Variants in GRAP observed in about 807,000 individuals in gnomAD.
GRAP encodes the protein GRB2 related adaptor protein.
A neutral mutation model predicts 9.1 loss-of-function variants in GRAP; 2 were observed. That is an observed-to-expected ratio of 0.22 (90% CI 0.09 to 0.69). The LOEUF is 0.69. GRAP is among the 30% of genes least tolerant of loss of function. The pLI, the probability that GRAP is intolerant of heterozygous loss-of-function variation, is 0.81. For synonymous variants in GRAP, 68 were observed against 73.6 expected (o/e 0.92, Z 0.39); for missense variants, 113 against 179.4 (o/e 0.63, Z 2.12).
At chr17:19,022,234 CAGGTG>C in intron 4 of GRAP, 90 bp from the exon 5 acceptor site, 1 of 714,958 alleles carries the variant, frequency 1.4e-6, no homozygotes, top group Non-Finnish European at 2.2e-6. Context: ...TGATTTGCCA[CAGGTG>C]AGGAGGGGTC....
At position 19,020,726 on chromosome 17, in the gene GRAP, G is replaced by T. The variant is rs1384541808; in HGVS notation, c.*1233C>A. The T allele has an allele frequency of 4.8e-6, 2 of 418,750 alleles. No individual in the cohort carries two copies. Among genetic ancestry groups the T allele is most frequent in the Non-Finnish European group, 8.9e-6 (2 of 224,246 alleles). 25.9% of individuals were successfully genotyped at this position (418,750 alleles called of 1,614,324 possible). On this transcript the variant is annotated 3_prime_UTR_variant, in exon 5 of 5. Transcript: ENST00000284154. ...TACTGTTTTCGTTTTGAATACACAGGCTGGGTCAGGAGCAGTGAGATTTGC... is the reference window on the plus strand; with the variant it reads ...TACTGTTTTCGTTTTGAATACACAGTCTGGGTCAGGAGCAGTGAGATTTGC...
intron 4 of GRAP, among the ~76,000 whole-genome samples, chr17:19,023,858 C>T (rs1161065819): frequency 6.6e-6 from 1 of 151,888 alleles, no homozygotes; most frequent in African/African-American, 2.4e-5. Context: ...GTGCATGGTA[C>T]CCAGTATGCT....
intron 3 of GRAP, among the ~76,000 whole-genome samples, chr17:19,025,148 A>G (rs1205816606): frequency 6.6e-6 from 1 of 151,146 alleles, no homozygotes; most frequent in Non-Finnish European, 1.5e-5. Flanking sequence ...AGTACCTTCT[A>G]GCCCAGCGGA....
In GRAP at chr17:19,024,421, C is replaced by A. The variant is rs368826363; in HGVS notation, c.300-38G>T. ...ACCCGGGGCCACCTCAGGTGGTGGC[C>A]GTCCCAGCCTGGCATGGTCCCAGGG... is the stretch of plus-strand genomic sequence containing the variant. On this transcript the variant is annotated intron_variant, in intron 3 of 4. Coordinates refer to ENST00000284154, the MANE Select transcript of GRAP (RefSeq NM_006613.4). This position sits in a 1 kb window ranked among gnomAD's most constrained non-coding sequence, Gnocchi z 4.2. The A allele has an allele frequency of 1.9e-6, 3 of 1,596,362 alleles. No homozygotes were observed. In the East Asian group the frequency reaches 6.8e-5, roughly 36 times the overall value.
rs369543027 is a variant in GRAP, at chr17:19,024,066, C to T, written c.468+149G>A. ...CATAGCCGCCACCAGGATATAACTT[C>T]GAAGCCTGGGCTGGACGCCTCTTGC... On this transcript the variant is annotated intron_variant, in intron 4 of 4. Transcript: ENST00000284154. The surrounding 1 kb of genome is among the most constrained non-coding windows in gnomAD (Gnocchi z 4.2). 1.1e-5 allele frequency: 8 copies of T among 746,808 alleles called. No homozygotes were observed. The highest frequency in any genetic ancestry group is 7.4e-5 in the South Asian group (4 of 54,322). 46.3% of individuals were successfully genotyped at this position (746,808 alleles called of 1,614,324 possible).
At chr17:19,023,721 C>T (rs528535543) in intron 4 of GRAP, among the ~76,000 whole-genome samples, 240 of 148,236 alleles carry the variant, frequency 1.6e-3, no homozygotes, top group African/African-American at 5.5e-3. Context: ...AACTCTTCCG[C>T]GAGCAGAAAC....
chr17:19,032,028 C>T (rs937871284), intron 3 of GRAP: 4 of 147,480 alleles, frequency 2.7e-5, no homozygotes, highest in Non-Finnish European at 4.6e-5. Context: ...TTCGGGGGCA[C>T]AGGCCAGGAT....
chr17:19,023,816 G>C (rs1291196334), intron 4 of GRAP, among the ~76,000 whole-genome samples: 2 of 151,988 alleles, frequency 1.3e-5, no homozygotes, highest in Non-Finnish European at 2.9e-5. Context: ...TAATGGGCAT[G>C]ATGAGGCTCC....
chr17:19,022,089 G>A lies in GRAP; in HGVS notation c.524C>T (p.Ser175Leu), dbSNP rs1377686354. The A allele has an allele frequency of 1.3e-6, 2 of 1,587,486 alleles. No individual in the cohort carries two copies. The highest frequency in any genetic ancestry group is 1.7e-6 in the Non-Finnish European group (2 of 1,167,736). Residue 175 changes from serine to leucine, a missense_variant, in exon 5 of 5, where the codon TCG (serine) becomes TTG (leucine). Ser to Leu is a moderately radical substitution (Grantham distance 145). Transcript: ENST00000284154. Reference protein sequence around the residue: ...AQFDFSAQDPSQLSFRRGDII... With the variant: ...AQFDFSAQDPLQLSFRRGDII... ...GTCGCCACGGCGGAAGCTGAGCTGC[G>A]AGGGGTCCTGGGCTGAGAAGTCAAA...
intron 4 of GRAP, among the ~76,000 whole-genome samples, chr17:19,022,963 C>T (rs1259176836): frequency 2.0e-5 from 3 of 152,196 alleles, no homozygotes; most frequent in Admixed American, 1.3e-4. Flanking sequence ...GGGTGGGTGA[C>T]CCCACGGCCC....
rs1339676603 is a variant in GRAP, at chr17:19,024,435, A to G, written c.300-52T>C. The G allele has an allele frequency of 1.3e-6, 2 of 1,583,812 alleles. No individual in the cohort carries two copies. The highest frequency in any genetic ancestry group is 1.7e-5 in the Admixed American group (1 of 57,518). On this transcript the variant is annotated intron_variant, in intron 3 of 4. Transcript: ENST00000284154. The surrounding 1 kb of genome is among the most constrained non-coding windows in gnomAD (Gnocchi z 4.2). Reference sequence around the variant, plus strand: ...CAGGTGGTGGCCGTCCCAGCCTGGCATGGTCCCAGGGGCTCCCGTCTCACT... The same window carrying G: ...CAGGTGGTGGCCGTCCCAGCCTGGCGTGGTCCCAGGGGCTCCCGTCTCACT...
chr17:19,024,275 G>A lies in GRAP; in HGVS notation c.408C>T (p.Arg136=), dbSNP rs764488447. 1.6e-5 allele frequency: 26 copies of A among 1,607,134 alleles called. No individual in the cohort carries two copies. Among genetic ancestry groups the A allele is most frequent in the Non-Finnish European group, 5.1e-6 (6 of 1,176,852 alleles). Residue 136 remains arginine, a synonymous_variant, in exon 4 of 5, where the codon CGC becomes CGT. Transcript: ENST00000284154. The surrounding 1 kb of genome is among the most constrained non-coding windows in gnomAD (Gnocchi z 4.2). The part of the protein sequence containing the change: ...NSLNELVDFY[R]TTTIAKKRQI... ...GCCGCTTCTTGGCGATGGTGGTGGT[G>A]CGGTAGAAGTCGACCAGCTCGTTGA...
chr17:19,030,255 G>T, intron 3 of GRAP: 1 of 443,990 alleles, frequency 2.3e-6, no homozygotes. Context: ...AGCAGCAGCA[G>T]CAGCAGCAGC....
chr17:19,023,453 C>T (rs2044288651), intron 4 of GRAP, among the ~76,000 whole-genome samples: 1 of 152,202 alleles, frequency 6.6e-6, no homozygotes. Context: ...GTCTTGACCT[C>T]CAGCCCCAGG....
At chr17:19,022,984 G>A (rs754172220) in intron 4 of GRAP, among the ~76,000 whole-genome samples, 10 of 152,236 alleles carry the variant, frequency 6.6e-5, no homozygotes, top group Admixed American at 2.0e-4. Context: ...GGGCCAGAGC[G>A]AGGTGTTGGG....
chr17:19,043,529 T>C (rs1746004279), intron 1 of GRAP, among the ~76,000 whole-genome samples: 1 of 152,286 alleles, frequency 6.6e-6, no homozygotes, highest in Admixed American at 6.5e-5. Flanking sequence ...CTCAGGAGGC[T>C]GAGGCAGGAG....
intron 3 of GRAP, among the ~76,000 whole-genome samples, chr17:19,027,482 G>GCACACACACACACACACACACACA (rs1201282703): frequency 8.6e-6 from 1 of 115,986 alleles, no homozygotes; most frequent in Non-Finnish European, 1.7e-5. Context: ...GCGCGCGCGC[G>GCACACACACACACACACACACACA]CGCACACACA....
rs2044270155 is a variant in GRAP, at chr17:19,021,909, A to T, written c.*50T>A. 6.9e-7 allele frequency: 1 copy of T among 1,442,126 alleles called. No homozygotes were observed. 89.3% of individuals were successfully genotyped at this position (1,442,126 alleles called of 1,614,324 possible). A position where few individuals can be genotyped will look rare whatever the true frequency, so the allele number is the denominator to read the frequency against. On this transcript the variant is annotated 3_prime_UTR_variant, in exon 5 of 5. Transcript: ENST00000284154. The surrounding 1 kb of genome is among the most constrained non-coding windows in gnomAD (Gnocchi z 4.1). ...CTGGGGGTGTCCATGTCCTCTCTGG[A>T]CCTCAGTTCCTGTAAAAAGGCCCGT...
chr17:19,023,858 C>A (rs1161065819), intron 4 of GRAP, among the ~76,000 whole-genome samples: 1 of 151,888 alleles, frequency 6.6e-6, no homozygotes, highest in South Asian at 2.1e-4. Context: ...GTGCATGGTA[C>A]CCAGTATGCT....
Sources: allele counts gnomAD v4.1 joint callset (sites outside exome capture counted in the v4.1 genomes callset), GRCh38; gene constraint gnomAD v4.1.1; non-coding constraint Gnocchi (gnomAD v3.1); transcripts MANE v1.5; gene names NCBI Gene and HGNC (gene_info 2026-07-23, HGNC 2026-07-21).